KMT2E: variants seen among roughly 807,000 people sequenced by gnomAD.
KMT2E encodes the protein histone reader KMT2E.
KMT2E carries 30 observed loss-of-function variants against 184.6 expected under a neutral mutation model. The ratio of observed to expected loss-of-function variants is 0.16; its 90% CI spans 0.12 to 0.22. The LOEUF (loss-of-function observed/expected upper bound fraction) is 0.22. Ranked by LOEUF, KMT2E falls within the 10% of genes least tolerant of loss-of-function variation. KMT2E has a pLI of 1.00. For synonymous variants in KMT2E, 815 were observed against 776.5 expected (o/e 1.05, Z -0.82); for missense variants, 2,023 against 2,237.4 (o/e 0.90, Z 1.93).
intron 13 of KMT2E, among the ~76,000 whole-genome samples, chr7:105,082,566 ATCT>A (rs1797801298): frequency 6.6e-6 from 1 of 152,122 alleles, no homozygotes; most frequent in African/African-American, 2.4e-5. Flanking sequence ...CTTCATCCTC[ATCT>A]TCATGTTGAG....
chr7:105,075,594 T>C (rs572519114), intron 8 of KMT2E, among the ~76,000 whole-genome samples: 29 of 152,310 alleles, frequency 1.9e-4, no homozygotes, highest in African/African-American at 6.7e-4. Context: ...TTTCCACTGT[T>C]GTAATATTGA....
intron 20 of KMT2E, 85 bp downstream of exon 20, chr7:105,106,857 C>T: frequency 2.3e-6 from 3 of 1,309,166 alleles, no homozygotes; most frequent in Non-Finnish European, 3.2e-6. Context: ...CCTTTAACAA[C>T]TAGTGTGCTG....
At position 105,110,539 on chromosome 7, in the gene KMT2E, T is replaced by A. The variant is rs756838715; in HGVS notation, c.3907T>A (p.Ser1303Thr). ...SHVQSSPSSH[S>T]NHIPQLQAKG... ...TGTTCAGTCTTCACCTTCATCTCATTCAAATCACATACCCCAGTTGCAAGC... is the reference window on the plus strand; with the variant it reads ...TGTTCAGTCTTCACCTTCATCTCATACAAATCACATACCCCAGTTGCAAGC... The change falls in exon 25 of 27, where the codon TCA (serine) becomes ACA (threonine). Residue 1303 changes from serine (S) to threonine (T), a missense_variant. Coordinates refer to ENST00000311117, the MANE Select transcript of KMT2E (RefSeq NM_182931.3). 21 of 1,614,150 alleles carry A rather than the reference T, an allele frequency of 1.3e-5. No homozygotes were observed. The South Asian group carries it at 2.3e-4, about 18-fold the overall frequency.
intron 15 of KMT2E, among the ~76,000 whole-genome samples, chr7:105,099,916 C>G (rs148608234): frequency 7.2e-5 from 11 of 152,212 alleles, no homozygotes; most frequent in African/African-American, 2.6e-4. Flanking sequence ...TTTAGAGAAG[C>G]CCTGATAAAA....
At chr7:105,101,846 T>C (rs1438734329) in intron 16 of KMT2E, 40 bp from the exon 17 acceptor site, 1 of 1,435,410 alleles carries the variant, frequency 7.0e-7, no homozygotes, top group Admixed American at 2.2e-5. Flanking sequence ...TTTATATATA[T>C]GTAGTATAAA....
At chr7:105,083,610 C>A (rs1280771421) in intron 13 of KMT2E, among the ~76,000 whole-genome samples, 1 of 152,232 alleles carries the variant, frequency 6.6e-6, no homozygotes, top group Non-Finnish European at 1.5e-5. Context: ...CAGTCCTGAT[C>A]ATAAACCCAA....
At chr7:105,067,225 C>T (rs1236518967) in intron 6 of KMT2E, among the ~76,000 whole-genome samples, 2 of 151,708 alleles carry the variant, frequency 1.3e-5, no homozygotes, top group Admixed American at 6.6e-5. Context: ...AATAGTGTGT[C>T]ATAGTTTATA....
chr7:105,066,054 T>G (rs551995453), intron 5 of KMT2E, among the ~76,000 whole-genome samples: 2 of 152,206 alleles, frequency 1.3e-5, no homozygotes, highest in African/African-American at 4.8e-5. Flanking sequence ...CTGCCCTCCT[T>G]TAACTCAAGT....
At chr7:105,111,460 G>A (rs192502087) in intron 26 of KMT2E, among the ~76,000 whole-genome samples, 15 of 151,962 alleles carry the variant, frequency 9.9e-5, no homozygotes, top group Admixed American at 2.6e-4. Context: ...CTTAGGTTGG[G>A]TATAGAAATT....
intron 18 of KMT2E, 69 bp from the exon 19 acceptor site, chr7:105,105,790 C>T: frequency 6.4e-7 from 1 of 1,566,104 alleles, no homozygotes; most frequent in Non-Finnish European, 8.6e-7. Flanking sequence ...GGAATCGGCT[C>T]TGTATTTACA....
chr7:105,083,850 C>G (rs1052972755), intron 13 of KMT2E, among the ~76,000 whole-genome samples: 1 of 152,154 alleles, frequency 6.6e-6, no homozygotes, highest in Non-Finnish European at 1.5e-5. Context: ...AGTGGCTTTA[C>G]CTGTTAAGCT....
Position 105,053,183 on chromosome 7 carries a change from T to A in KMT2E, c.72-8981T>A, listed in dbSNP as rs1203365260. On this transcript the variant is annotated intron_variant, in intron 3 of 26. Transcript: ENST00000311117. ...AATACCTGTTTTGGGAAGCTGGAAA[T>A]TTTTTTAAAGGCATTAGGAAACTGG... Among the ~76,000 whole-genome samples the A allele has an allele frequency of 2.0e-5, 3 of 152,150 alleles. No individual in the cohort carries two copies. The South Asian group carries it at 6.2e-4, about 31-fold the overall frequency.
chr7:105,084,826 T>C (rs1797897158), intron 13 of KMT2E, among the ~76,000 whole-genome samples: 1 of 152,174 alleles, frequency 6.6e-6, no homozygotes, highest in Non-Finnish European at 1.5e-5. Flanking sequence ...AAAGTTATTA[T>C]AGTAGTACAG....
In KMT2E at chr7:105,105,592, T is replaced by C. The variant is rs899618110; in HGVS notation, c.2350T>C (p.Tyr784His). The C allele has an allele frequency of 6.2e-7, 1 of 1,613,828 alleles. No homozygotes were observed. Among genetic ancestry groups the C allele is most frequent in the Non-Finnish European group, 8.5e-7 (1 of 1,179,754 alleles). The change falls in exon 18 of 27, where the codon TAC becomes CAC. Residue 784 changes from tyrosine (Y) to histidine (H), a missense_variant. By Grantham distance (83) the Tyr-to-His change is moderately conservative (BLOSUM62 2). Coordinates refer to ENST00000311117, the MANE Select transcript of KMT2E (RefSeq NM_182931.3). ...LPGLTYSPHV[Y>H]STPKHYIRFT... Reference sequence around the variant, plus strand: ...AGGTCTCACTTACAGCCCCCATGTATACTCCACTCCTAAGCATTATATTAG... The same window carrying C: ...AGGTCTCACTTACAGCCCCCATGTACACTCCACTCCTAAGCATTATATTAG...
chr7:105,023,230 GT>G (rs1194809984), intron 1 of KMT2E, among the ~76,000 whole-genome samples: 1 of 151,410 alleles, frequency 6.6e-6, no homozygotes, highest in African/African-American at 2.4e-5. Flanking sequence ...CCATTACCCC[GT>G]CTCTACTAAA....
intron 1 of KMT2E, among the ~76,000 whole-genome samples, chr7:105,035,496 A>G (rs1795611983): frequency 6.7e-6 from 1 of 148,592 alleles, no homozygotes; most frequent in South Asian, 2.1e-4. Flanking sequence ...TTTTCCACTC[A>G]GCATAATTAC....
chr7:105,101,394 T>C lies in KMT2E; in HGVS notation c.1723-31T>C, dbSNP rs748443564. On this transcript the variant is annotated intron_variant, in intron 15 of 26. Transcript: ENST00000311117. Reference sequence around the variant, plus strand: ...AATTTTACTTTTGAGCATTGATATTTATGATGTCACTTAAAATTTAAATTT... The same window carrying C: ...AATTTTACTTTTGAGCATTGATATTCATGATGTCACTTAAAATTTAAATTT... 7.6e-6 allele frequency: 11 copies of C among 1,448,364 alleles called. No homozygotes were observed. The African/African-American group carries it at 1.2e-4, about 15-fold the overall frequency. The allele number at this position is 1,448,364 out of a possible 1,614,324, so 89.7% of individuals were successfully genotyped here. A position where few individuals can be genotyped will look rare whatever the true frequency, so the allele number is the denominator to read the frequency against.
intron 13 of KMT2E, among the ~76,000 whole-genome samples, chr7:105,083,111 G>T (rs1797822724): frequency 6.6e-6 from 1 of 152,100 alleles, no homozygotes; most frequent in Non-Finnish European, 1.5e-5. Flanking sequence ...TAAATCCTGT[G>T]AAGTCATGCA....
At chr7:105,029,442 G>T (rs1562878099) in intron 1 of KMT2E, among the ~76,000 whole-genome samples, 3 of 152,194 alleles carry the variant, frequency 2.0e-5, no homozygotes, top group Non-Finnish European at 4.4e-5. Context: ...TACTCTGAGG[G>T]AGGAGGGAAA....
Sources: gnomAD v4.1 joint callset for allele counts (sites outside exome capture counted in the v4.1 genomes callset) on GRCh38, gnomAD v4.1.1 for gene constraint, MANE v1.5 for transcripts, NCBI Gene and HGNC (gene_info 2026-07-23, HGNC 2026-07-21) for gene names.